Variants in LETM1 observed in about 807,000 individuals in gnomAD.
The protein encoded by LETM1 is leucine zipper and EF-hand containing transmembrane protein 1, also known as mitochondrial proton/calcium exchanger protein.
LETM1 carries 50 observed loss-of-function variants against 74.5 expected under a neutral mutation model. The observed-to-expected ratio is 0.67, with a 90% confidence interval of 0.53 to 0.85. The LOEUF is 0.85. Among genes scored for constraint, LETM1 ranks in the 40% least tolerant of loss-of-function variants. The pLI is 0.00. For synonymous variants in LETM1, 446 were observed against 407.1 expected, an observed-to-expected ratio of 1.10 and a Z score of -1.15; for missense variants, 824 against 967.8, an observed-to-expected ratio of 0.85 and a Z score of 1.97.
intron 13 of LETM1, among the ~76,000 whole-genome samples, chr4:1,815,139 C>T (rs544051987): frequency 4.2e-4 from 64 of 152,362 alleles, no homozygotes; most frequent in African/African-American, 1.5e-3. Flanking sequence ...GCCTTCCCTC[C>T]AGAGACTGGA....
chr4:1,849,296 G>A (rs1712989897), intron 1 of LETM1, 87 bp from the exon 2 acceptor site: 29 of 944,788 alleles, frequency 3.1e-5, no homozygotes, highest in South Asian at 2.1e-4. Flanking sequence ...TTGGAGTTTC[G>A]CTCTTGCGCC....
Position 1,822,239 on chromosome 4 carries a change from T to C in LETM1, c.1550A>G (p.Asp517Gly). The C allele has an allele frequency of 6.5e-7, 1 of 1,547,832 alleles. No homozygotes were observed. Reference sequence around the variant, plus strand: ...CAAGGTCTCTGACTGCAGGACTGTGTCAGGCATTTCTGGCTGTGGCTCGGT... The same window carrying C: ...CAAGGTCTCTGACTGCAGGACTGTGCCAGGCATTTCTGGCTGTGGCTCGGT... The part of the protein sequence containing the change: ...PGTEPQPEMP[D>G]TVLQSETLKD... The change falls in exon 10 of 14, where the codon GAC (aspartate) becomes GGC (glycine). Residue 517 changes from aspartate (D) to glycine (G), a missense_variant. Asp to Gly is a moderately conservative substitution (Grantham distance 94). Around this residue, in one of 4 missense-constraint regions of LETM1, gnomAD observed 172 missense variants for 170.7 expected, o/e 1.01. Coordinates refer to ENST00000302787, the MANE Select transcript of LETM1 (RefSeq NM_012318.3).
chr4:1,847,049 G>A (rs1322838601), intron 2 of LETM1, among the ~76,000 whole-genome samples: 1 of 150,644 alleles, frequency 6.6e-6, no homozygotes, highest in Non-Finnish European at 1.5e-5. Flanking sequence ...AAAGAAAACA[G>A]GCCGGGTGCA....
chr4:1,833,009 C>G, intron 5 of LETM1, 62 bp from the exon 6 acceptor site: 1 of 1,454,506 alleles, frequency 6.9e-7, no homozygotes, highest in African/African-American at 1.4e-5. Flanking sequence ...CCTCCCACGA[C>G]CAACCACATT....
chr4:1,844,374 C>A (rs1391064247), intron 2 of LETM1, among the ~76,000 whole-genome samples: 2 of 152,220 alleles, frequency 1.3e-5, no homozygotes, highest in African/African-American at 4.8e-5. Context: ...TGCTTCTCTG[C>A]CTTTGTTTCT....
At chr4:1,835,450 A>C (rs1712430829) in intron 4 of LETM1, among the ~76,000 whole-genome samples, 1 of 151,442 alleles carries the variant, frequency 6.6e-6, no homozygotes, top group African/African-American at 2.4e-5. Flanking sequence ...CAAAAAAAAA[A>C]CAAAAACAAA....
chr4:1,848,734 AAAG>A, intron 2 of LETM1, among the ~76,000 whole-genome samples: 1 of 150,908 alleles, frequency 6.6e-6, no homozygotes, highest in African/African-American at 2.4e-5. Flanking sequence ...AAAAAAAAAA[AAAG>A]AAAAAAAAAA....
At chr4:1,827,060 G>A (rs566524165) in intron 6 of LETM1, among the ~76,000 whole-genome samples, 14 of 152,178 alleles carry the variant, frequency 9.2e-5, no homozygotes, top group South Asian at 2.1e-4. Flanking sequence ...AGGGCAGCTC[G>A]CCATGCCGAC....
At chr4:1,832,219 T>C (rs1240119534) in intron 6 of LETM1, among the ~76,000 whole-genome samples, 6 of 151,992 alleles carry the variant, frequency 3.9e-5, no homozygotes, top group Non-Finnish European at 7.4e-5. Flanking sequence ...GGAGAATCGC[T>C]TGAACCCAGG....
intron 6 of LETM1, 133 bp from the exon 7 acceptor site, chr4:1,825,816 G>C (rs1711967821): frequency 1.9e-6 from 2 of 1,058,302 alleles, no homozygotes; most frequent in Non-Finnish European, 2.8e-6. Context: ...CCAAAGCCCA[G>C]TTCTAGGTTA....
chr4:1,855,065 C>T (rs890866507), intron 1 of LETM1, among the ~76,000 whole-genome samples: 13 of 151,984 alleles, frequency 8.6e-5, no homozygotes, highest in Non-Finnish European at 1.5e-5. Flanking sequence ...TGTTGTGTGG[C>T]ACAACTAACA....
chr4:1,843,881 C>T (rs575551480), intron 2 of LETM1, among the ~76,000 whole-genome samples: 2 of 152,214 alleles, frequency 1.3e-5, no homozygotes, highest in African/African-American at 2.4e-5. Flanking sequence ...CAGCAGAGCC[C>T]ACGCAGGCTC....
intron 3 of LETM1, among the ~76,000 whole-genome samples, chr4:1,840,137 C>T (rs1402083523): frequency 1.3e-5 from 2 of 151,998 alleles, no homozygotes; most frequent in Non-Finnish European, 2.9e-5. Context: ...CAGCACTTTG[C>T]GAGGCCAAGG....
chr4:1,845,579 GCT>G (rs1031436886), intron 2 of LETM1, among the ~76,000 whole-genome samples: 1 of 89,338 alleles, frequency 1.1e-5, no homozygotes, highest in Non-Finnish European at 2.1e-5. Flanking sequence ...ACACAGTTTT[GCT>G]CTGTCATCCA....
intron 3 of LETM1, among the ~76,000 whole-genome samples, chr4:1,839,076 T>C (rs1034356203): frequency 5.9e-5 from 9 of 152,084 alleles, no homozygotes; most frequent in Non-Finnish European, 1.0e-4. Context: ...GAAAAGAGAA[T>C]GAATAAAATA....
chr4:1,829,419 G>A (rs1004853174), intron 6 of LETM1, among the ~76,000 whole-genome samples: 1 of 152,260 alleles, frequency 6.6e-6, no homozygotes, highest in African/African-American at 2.4e-5. Flanking sequence ...CTCCCTCCCG[G>A]ACAGTTCTTT....
At chr4:1,855,572 G>A (rs906701502) in intron 1 of LETM1, among the ~76,000 whole-genome samples, 15 of 152,260 alleles carry the variant, frequency 9.9e-5, no homozygotes, top group African/African-American at 3.4e-4. Flanking sequence ...GCTTACTCGC[G>A]CAGGGCGCGC....
chr4:1,822,552 C>T (rs991854354), intron 9 of LETM1: 16 of 379,194 alleles, frequency 4.2e-5, no homozygotes, highest in African/African-American at 3.3e-4. Context: ...CAAGACTCCC[C>T]CAAGCTGCCC....
In LETM1 at chr4:1,814,085, TG is replaced by T. The variant is rs1309377898; in HGVS notation, c.*338del. ...TCCACGTGGTCCTCATTCTCTTCCC[TG>T]GGGACAGGGCAGCACAGTCAGATGC... On this transcript the variant is annotated 3_prime_UTR_variant, in exon 14 of 14. Transcript: ENST00000302787. 5 of 311,944 alleles carry T rather than the reference TG, an allele frequency of 1.6e-5. No homozygotes were observed. The highest frequency in any genetic ancestry group is 3.1e-5 in the Non-Finnish European group (5 of 162,136). 19.3% of individuals were successfully genotyped at this position (311,944 alleles called of 1,614,324 possible).
Sources: allele counts gnomAD v4.1 joint callset (sites outside exome capture counted in the v4.1 genomes callset), GRCh38; gene constraint gnomAD v4.1.1; regional missense constraint gnomAD v4.1.1; transcripts MANE v1.5; gene names NCBI Gene and HGNC (gene_info 2026-07-23, HGNC 2026-07-21).